The following TM4SF18 variants were observed in gnomAD, a reference collection of about 807,000 sequenced individuals.
TM4SF18 encodes transmembrane 4 L6 family member 18.
TM4SF18 carries 22 observed loss-of-function variants against 23.8 expected under a neutral mutation model. The ratio of observed to expected loss-of-function variants is 0.92; its 90% CI spans 0.66 to 1.32. The LOEUF is 1.32. Among genes scored for constraint, TM4SF18 ranks in the 40% most tolerant of loss-of-function variants. TM4SF18 has a pLI of 0.00. For synonymous variants in TM4SF18, 87 were observed against 87.9 expected, an observed-to-expected ratio of 0.99 and a Z score of 0.06; for missense variants, 255 against 240.3, an observed-to-expected ratio of 1.06 and a Z score of -0.41.
At chr3:149,333,008 T>G (rs958131197) in intron 2 of TM4SF18, among the ~76,000 whole-genome samples, 198 bp downstream of exon 2, 2 of 152,204 alleles carry the variant, frequency 1.3e-5, no homozygotes, top group Non-Finnish European at 2.9e-5. Context: ...GAGGCTGCAT[T>G]GCTGAGCAGC....
rs763396720 is a variant in TM4SF18, at chr3:149,322,369, T to C, written c.478A>G (p.Ile160Val). The C allele has an allele frequency of 1.5e-5, 25 of 1,613,878 alleles. No homozygotes were observed. The Admixed American group carries it at 2.2e-4, about 14-fold the overall frequency. The stretch of plus-strand genomic sequence containing the variant: ...AGGGTTATGAGAATGGAAAATAAAA[T>C]GATGTTCCACTCCACAACATGTGCA... ...EPAHVVEWNI[I>V]LFSILITLSG... Residue 160 changes from isoleucine (I) to valine (V), a missense_variant, in exon 5 of 6, where the codon ATT (isoleucine) becomes GTT (valine). Physicochemically the swap from Ile to Val is conservative, Grantham distance 29. Coordinates refer to ENST00000296059, the MANE Select transcript of TM4SF18 (RefSeq NM_138786.4).
rs748444597 is a variant in TM4SF18 at position 149,330,337 on chromosome 3, T to G, written c.260A>C (p.Lys87Thr). Residue 87 changes from lysine (K) to threonine (T), a missense_variant, in exon 3 of 6, where the codon AAA becomes ACA. Coordinates refer to ENST00000296059, the MANE Select transcript of TM4SF18 (RefSeq NM_138786.4). ...KCCQSENCSK[K>T]YVTLLSIIFS... ...AAAAACTGTTGCTCTTACCACATAT[T>G]TTTTGCTGCAGTTTTCACTCTGGCA... The G allele has an allele frequency of 6.2e-7, 1 of 1,611,198 alleles. No individual in the cohort carries two copies. The highest frequency in any genetic ancestry group is 1.1e-5 in the South Asian group (1 of 90,596).
chr3:149,332,936 C>T (rs1490472432), intron 2 of TM4SF18, among the ~76,000 whole-genome samples: 5 of 152,142 alleles, frequency 3.3e-5, no homozygotes. Context: ...TTCATGAGAA[C>T]ATACTGTTTT....
Sources: allele counts gnomAD v4.1 joint callset (sites outside exome capture counted in the v4.1 genomes callset), GRCh38; gene constraint gnomAD v4.1.1; transcripts MANE v1.5; gene names NCBI Gene and HGNC (gene_info 2026-07-23, HGNC 2026-07-21).